Variants in LNPK observed in about 807,000 individuals in gnomAD.
LNPK encodes lunapark, ER junction formation factor.
Under a neutral mutation model 55.2 loss-of-function variants are expected in LNPK, and 29 were observed. That is an observed-to-expected ratio of 0.53 (90% CI 0.39 to 0.72). LNPK has a LOEUF of 0.72. Among genes scored for constraint, LNPK ranks in the 30% least tolerant of loss-of-function variants. The pLI, the probability that LNPK is intolerant of heterozygous loss-of-function variation, is 0.00. For synonymous variants in LNPK, 162 were observed against 168.2 expected (o/e 0.96, Z 0.29); for missense variants, 467 against 494.8 (o/e 0.94, Z 0.53).
intron 8 of LNPK, among the ~76,000 whole-genome samples, chr2:175,961,306 A>T (rs1473471982): frequency 6.6e-6 from 1 of 152,174 alleles, no homozygotes; most frequent in African/African-American, 2.4e-5. Context: ...ATCCTGAATA[A>T]AATACTGGTG....
Position 175,929,690 on chromosome 2 carries a change from G to T in LNPK, c.*277C>A. Reference sequence around the variant, plus strand: ...AGAAAACAAGAAGGCAATCATGTTTGCTTACTTTTAGAATGGACAAAAAAG... The same window carrying T: ...AGAAAACAAGAAGGCAATCATGTTTTCTTACTTTTAGAATGGACAAAAAAG... On this transcript the variant is annotated 3_prime_UTR_variant, in exon 13 of 13. Coordinates refer to ENST00000272748, the MANE Select transcript of LNPK (RefSeq NM_030650.3). 1 of 1,219,904 alleles carries T rather than the reference G, an allele frequency of 8.2e-7. No individual in the cohort carries two copies. Among genetic ancestry groups the T allele is most frequent in the Non-Finnish European group, 1.0e-6 (1 of 977,756 alleles). The allele number at this position is 1,219,904 out of a possible 1,614,324, so 75.6% of individuals were successfully genotyped here. A position where few individuals can be genotyped will look rare whatever the true frequency, so the allele number is the denominator to read the frequency against.
intron 4 of LNPK, among the ~76,000 whole-genome samples, chr2:175,988,891 A>G (rs1687562995): frequency 6.6e-6 from 1 of 152,128 alleles, no homozygotes; most frequent in Non-Finnish European, 1.5e-5. Flanking sequence ...CTCCTGCCTC[A>G]GTCTCCCAAG....
intron 5 of LNPK, among the ~76,000 whole-genome samples, chr2:175,974,927 CTATT>C (rs1287097556): frequency 6.6e-6 from 1 of 151,542 alleles, no homozygotes; most frequent in African/African-American, 2.4e-5. Context: ...CCAGATCTGC[CTATT>C]TATTACATAA....
At chr2:176,001,125 T>C (rs1574913507) in intron 1 of LNPK, among the ~76,000 whole-genome samples, 1 of 152,170 alleles carries the variant, frequency 6.6e-6, no homozygotes, top group East Asian at 1.9e-4. Context: ...AAATTCTAAT[T>C]TAAACGCACC....
intron 12 of LNPK, among the ~76,000 whole-genome samples, chr2:175,936,095 A>G (rs1684532313): frequency 6.6e-6 from 1 of 152,226 alleles, no homozygotes; most frequent in South Asian, 2.1e-4. Context: ...GACAGCATGC[A>G]GCTCAGAGCA....
chr2:175,969,688 T>G (rs1574866261), intron 6 of LNPK, among the ~76,000 whole-genome samples: 1 of 152,350 alleles, frequency 6.6e-6, no homozygotes, highest in African/African-American at 2.4e-5. Flanking sequence ...CCATCAGTAT[T>G]TCCTCACTTT....
intron 9 of LNPK, among the ~76,000 whole-genome samples, chr2:175,944,329 A>G (rs574642560): frequency 2.1e-4 from 32 of 152,240 alleles, no homozygotes; most frequent in Non-Finnish European, 4.1e-4. Context: ...ACAATATCAT[A>G]AGATACTAAT....
intron 8 of LNPK, among the ~76,000 whole-genome samples, chr2:175,961,730 G>A (rs1244625925): frequency 1.3e-5 from 2 of 152,140 alleles, no homozygotes; most frequent in Non-Finnish European, 2.9e-5. Context: ...AAGAAATAAA[G>A]GGTATTCAAT....
intron 12 of LNPK, 28 bp downstream of exon 12, chr2:175,937,316 G>C (rs547216025): frequency 1.3e-6 from 2 of 1,589,444 alleles, no homozygotes; most frequent in South Asian, 2.3e-5. Flanking sequence ...ATGTTATTAA[G>C]GGGCAAAACT....
intron 8 of LNPK, among the ~76,000 whole-genome samples, chr2:175,956,579 C>A (rs1192047583): frequency 2.0e-5 from 3 of 152,132 alleles, no homozygotes; most frequent in Non-Finnish European, 2.9e-5. Context: ...GTTGCATATT[C>A]TTACTCTTTA....
At chr2:175,994,571 G>A (rs1406993088) in intron 2 of LNPK, among the ~76,000 whole-genome samples, 2 of 151,986 alleles carry the variant, frequency 1.3e-5, no homozygotes, top group Non-Finnish European at 2.9e-5. Context: ...CGCCCAGGCT[G>A]GAGTGCAGTG....
In LNPK at chr2:175,928,283, C is replaced by T. The variant is rs756416075; in HGVS notation, c.*1684G>A. The T allele has an allele frequency of 1.3e-5, 2 of 151,824 alleles. No homozygotes were observed. Among genetic ancestry groups the T allele is most frequent in the African/African-American group, 4.8e-5 (2 of 41,356 alleles). 9.4% of individuals were successfully genotyped at this position (151,824 alleles called of 1,614,324 possible). A position where few individuals can be genotyped will look rare whatever the true frequency, so the allele number is the denominator to read the frequency against. On this transcript the variant is annotated 3_prime_UTR_variant, in exon 13 of 13. Coordinates refer to ENST00000272748, the MANE Select transcript of LNPK (RefSeq NM_030650.3). ...TTAAAGACATTAATAAGAACAAATG[C>T]CATCGTTTTCAGGTAGTGTGCTAGG...
rs1683940001 is a variant in LNPK at position 175,924,874 on chromosome 2, G to A, written c.*5093C>T. 1 of 152,254 alleles carries A rather than the reference G, an allele frequency of 6.6e-6. No homozygotes were observed. Among genetic ancestry groups the A allele is most frequent in the Admixed American group, 6.6e-5 (1 of 15,256 alleles). 9.4% of individuals were successfully genotyped at this position (152,254 alleles called of 1,614,324 possible). A position where few individuals can be genotyped will look rare whatever the true frequency, so the allele number is the denominator to read the frequency against. On this transcript the variant is annotated 3_prime_UTR_variant, in exon 13 of 13. Coordinates refer to ENST00000272748, the MANE Select transcript of LNPK (RefSeq NM_030650.3). ...CAAGAGAGAGGAAGCAAAGAAGAAAGGGAGGGAGGATACCAGGCTCTTTTA... is the reference window on the plus strand; with the variant it reads ...CAAGAGAGAGGAAGCAAAGAAGAAAAGGAGGGAGGATACCAGGCTCTTTTA...
At chr2:175,961,786 T>C (rs1055811358) in intron 8 of LNPK, among the ~76,000 whole-genome samples, 4 of 152,194 alleles carry the variant, frequency 2.6e-5, no homozygotes, top group African/African-American at 9.7e-5. Flanking sequence ...GATGACATGC[T>C]TGTGTATTTA....
intron 6 of LNPK, among the ~76,000 whole-genome samples, chr2:175,969,908 T>G (rs1490231564): frequency 2.0e-5 from 3 of 152,144 alleles, no homozygotes; most frequent in Admixed American, 2.0e-4. Context: ...AAAACCAGTA[T>G]CTATTATCAT....
intron 9 of LNPK, among the ~76,000 whole-genome samples, chr2:175,943,608 A>C (rs1684973039): frequency 6.6e-6 from 1 of 152,092 alleles, no homozygotes; most frequent in African/African-American, 2.4e-5. Flanking sequence ...AGTTAGTTTA[A>C]CATTTAAAAA....
At chr2:175,991,745 TCA>T (rs1436647000) in intron 4 of LNPK, among the ~76,000 whole-genome samples, 1 of 152,192 alleles carries the variant, frequency 6.6e-6, no homozygotes, top group Non-Finnish European at 1.5e-5. Flanking sequence ...CTCAAAATTC[TCA>T]GTCATGATAC....
chr2:175,988,649 T>C (rs977709959), intron 4 of LNPK, among the ~76,000 whole-genome samples: 3 of 151,842 alleles, frequency 2.0e-5, no homozygotes, highest in Admixed American at 1.3e-4. Flanking sequence ...TTAGGCAAAA[T>C]AGTAACAATG....
intron 1 of LNPK, among the ~76,000 whole-genome samples, chr2:176,001,535 C>T (rs1688159138): frequency 6.6e-6 from 1 of 152,126 alleles, no homozygotes; most frequent in Non-Finnish European, 1.5e-5. Context: ...AATGCACCTT[C>T]GCCCTTCCCC....
Sources: gnomAD v4.1 joint callset for allele counts (sites outside exome capture counted in the v4.1 genomes callset) on GRCh38, gnomAD v4.1.1 for gene constraint, MANE v1.5 for transcripts, NCBI Gene and HGNC (gene_info 2026-07-23, HGNC 2026-07-21) for gene names.